Variants in OR9Q1 observed in about 807,000 individuals in gnomAD.
OR9Q1 encodes olfactory receptor family 9 subfamily Q member 1.
For synonymous variants in OR9Q1, 153 were observed against 148.6 expected, an observed-to-expected ratio of 1.03 and a Z score of -0.22; for missense variants, 374 against 378.8, an observed-to-expected ratio of 0.99 and a Z score of 0.11.
chr11:58,047,405 A>G (rs559482493), intron 1 of OR9Q1: 1 of 152,328 alleles, frequency 6.6e-6, no homozygotes, highest in African/African-American at 2.4e-5. Flanking sequence ...AAAGTGTCCA[A>G]CAATGGCTGT....
chr11:58,109,535 C>A (rs752149697), intron 2 of OR9Q1: 12 of 458,132 alleles, frequency 2.6e-5, no homozygotes, highest in Non-Finnish European at 5.3e-5. Flanking sequence ...ATCATCCCCC[C>A]ATTCCCCAGA....
intron 2 of OR9Q1, among the ~76,000 whole-genome samples, chr11:58,143,034 A>T (rs1854265620): frequency 6.6e-6 from 1 of 152,186 alleles, no homozygotes; most frequent in Non-Finnish European, 1.5e-5. Flanking sequence ...TGTCTGGCAT[A>T]CAAATCCATT....
In OR9Q1 at chr11:58,179,759, C is replaced by T. The variant is rs755533817; in HGVS notation, c.315C>T (p.Thr105=). 2 of 1,614,224 alleles carry T rather than the reference C, an allele frequency of 1.2e-6. No homozygotes were observed. The highest frequency in any genetic ancestry group is 2.2e-5 in the South Asian group (2 of 91,090). Residue 105 remains threonine, a synonymous_variant, in exon 3 of 3, where the codon ACC becomes ACT. Coordinates refer to ENST00000335397, the MANE Select transcript of OR9Q1 (RefSeq NM_001005212.4). The part of the protein sequence containing the change: ...TRCAAQFFLF[T]FFGSIDCYLL... ...GTGCTGCTCAGTTCTTTCTGTTCAC[C>T]TTCTTTGGTTCCATCGACTGCTACC...
Position 58,116,084 on chromosome 11 carries a change from G to A in OR9Q1, c.-15+60137G>A, listed in dbSNP as rs1353654496. Among the ~76,000 whole-genome samples the A allele has an allele frequency of 3.3e-5, 5 of 152,272 alleles. No homozygotes were observed. The East Asian group carries it at 9.7e-4, about 29-fold the overall frequency. Reference sequence around the variant, plus strand: ...TCCTTCTCACATAAAAGAAGCCCGAGGATAGGCAGCCCAGGGCCCATAGGG... The same window carrying A: ...TCCTTCTCACATAAAAGAAGCCCGAAGATAGGCAGCCCAGGGCCCATAGGG... On this transcript the variant is annotated intron_variant, in intron 2 of 2. Coordinates refer to ENST00000335397, the MANE Select transcript of OR9Q1 (RefSeq NM_001005212.4).
chr11:58,146,871 T>C (rs1447179), intron 2 of OR9Q1, among the ~76,000 whole-genome samples: 4,296 of 152,334 alleles, frequency 0.028, 103 homozygotes, highest in Non-Finnish European at 0.041. Flanking sequence ...TAGTGTGAGA[T>C]GCAACTGGCG....
At chr11:58,033,961 G>T (rs1266707893) in intron 1 of OR9Q1, among the ~76,000 whole-genome samples, 1 of 151,914 alleles carries the variant, frequency 6.6e-6, no homozygotes, top group Non-Finnish European at 1.5e-5. Context: ...GTTCCAGCCT[G>T]GTGGTGGCTC....
intron 2 of OR9Q1, among the ~76,000 whole-genome samples, chr11:58,110,886 G>A (rs1853893193): frequency 6.6e-6 from 1 of 152,154 alleles, no homozygotes; most frequent in Non-Finnish European, 1.5e-5. Flanking sequence ...TGGAGAGTGG[G>A]TGGAGTCGCC....
intron 2 of OR9Q1, among the ~76,000 whole-genome samples, chr11:58,167,979 G>A (rs1300709453): frequency 6.6e-6 from 1 of 152,126 alleles, no homozygotes; most frequent in Non-Finnish European, 1.5e-5. Flanking sequence ...CATTGCAAAA[G>A]GCATTCAAAA....
intron 2 of OR9Q1, among the ~76,000 whole-genome samples, chr11:58,133,489 A>G (rs754556462): frequency 6.6e-6 from 1 of 152,164 alleles, no homozygotes; most frequent in Non-Finnish European, 1.5e-5. Context: ...TGGGAGCACA[A>G]TGTGCTGGGA....
chr11:58,153,162 A>C (rs989173533), intron 2 of OR9Q1, among the ~76,000 whole-genome samples: 7 of 152,248 alleles, frequency 4.6e-5, no homozygotes, highest in African/African-American at 1.7e-4. Flanking sequence ...GCATGCCCAG[A>C]AAATGAAAAC....
chr11:58,127,485 C>T lies in OR9Q1; in HGVS notation c.-14-51946C>T, dbSNP rs80095144. The stretch of plus-strand genomic sequence containing the variant: ...GAGTAACTCTGGAATGTGAATTATG[C>T]CATGGGCCTAGTTCTGCCTCCAGAC... On this transcript the variant is annotated intron_variant, in intron 2 of 2. Coordinates refer to ENST00000335397, the MANE Select transcript of OR9Q1 (RefSeq NM_001005212.4). Among the ~76,000 whole-genome samples the T allele has an allele frequency of 6.9e-3, 1,049 of 152,244 alleles. 27 individuals are homozygous for T. Among genetic ancestry groups the T allele is most frequent in the Admixed American group, 0.055 (836 of 15,288 alleles).
intron 2 of OR9Q1, among the ~76,000 whole-genome samples, chr11:58,161,022 C>G (rs1314972575): frequency 6.6e-6 from 1 of 150,704 alleles, no homozygotes. Flanking sequence ...CCTGATTGCC[C>G]TGGCCAGAAC....
intron 2 of OR9Q1, among the ~76,000 whole-genome samples, chr11:58,079,750 C>A (rs1385441473): frequency 6.6e-6 from 1 of 152,090 alleles, no homozygotes; most frequent in Non-Finnish European, 1.5e-5. Context: ...CTCAGTTGTA[C>A]CAGATGAAGT....
chr11:58,129,466 A>G (rs1252070335), intron 2 of OR9Q1, among the ~76,000 whole-genome samples: 2 of 152,098 alleles, frequency 1.3e-5, no homozygotes, highest in Non-Finnish European at 2.9e-5. Flanking sequence ...TTGGCTTCCC[A>G]TTGCACTTAG....
chr11:58,064,441 A>G (rs1219711535), intron 2 of OR9Q1, among the ~76,000 whole-genome samples: 1 of 152,162 alleles, frequency 6.6e-6, no homozygotes, highest in African/African-American at 2.4e-5. Flanking sequence ...CTTTCCAGGC[A>G]TGTCTCTCAC....
Position 58,179,886 on chromosome 11 carries a change from G to A in OR9Q1, c.442G>A (p.Ala148Thr), listed in dbSNP as rs1244443054. Reference protein sequence around the residue: ...QQARLSLVAGAYVAGLISALV... With the variant: ...QQARLSLVAGTYVAGLISALV... ...GGCCCGCTTGAGTCTTGTGGCTGGGGCTTACGTTGCTGGTCTCATCAGTGC... is the reference window on the plus strand; with the variant it reads ...GGCCCGCTTGAGTCTTGTGGCTGGGACTTACGTTGCTGGTCTCATCAGTGC... Residue 148 changes from alanine to threonine, a missense_variant, in exon 3 of 3, where the codon GCT (alanine) becomes ACT (threonine). By Grantham distance (58) the Ala-to-Thr change is moderately conservative (BLOSUM62 0). Coordinates refer to ENST00000335397, the MANE Select transcript of OR9Q1 (RefSeq NM_001005212.4). The A allele has an allele frequency of 6.2e-7, 1 of 1,614,186 alleles. No individual in the cohort carries two copies. Among genetic ancestry groups the A allele is most frequent in the South Asian group, 1.1e-5 (1 of 91,080 alleles).
intron 2 of OR9Q1, chr11:58,072,404 T>C (rs1420336393): frequency 1.9e-5 from 3 of 154,776 alleles, no homozygotes; most frequent in Non-Finnish European, 4.4e-5. Flanking sequence ...TTTTCTTCTT[T>C]AGCAATACTT....
chr11:58,031,328 C>T (rs761582438), intron 1 of OR9Q1: 26 of 1,614,108 alleles, frequency 1.6e-5, no homozygotes, highest in Non-Finnish European at 1.8e-5. Context: ...GGCCTATGAT[C>T]GTTATGTGGC....
At chr11:58,110,718 T>C (rs1853891455) in intron 2 of OR9Q1, among the ~76,000 whole-genome samples, 1 of 152,202 alleles carries the variant, frequency 6.6e-6, no homozygotes, top group Admixed American at 6.5e-5. Flanking sequence ...ACTTTAATTG[T>C]TACCTCTGTA....
Sources: allele counts gnomAD v4.1 joint callset (sites outside exome capture counted in the v4.1 genomes callset), GRCh38; gene constraint gnomAD v4.1.1; transcripts MANE v1.5; gene names NCBI Gene and HGNC (gene_info 2026-07-23, HGNC 2026-07-21).